The following KRIT1 variants were observed in gnomAD, a reference collection of about 807,000 sequenced individuals.
KRIT1 encodes KRIT1 ankyrin repeat containing.
In KRIT1, 45 loss-of-function variants were observed where a neutral mutation model predicts 95.8. The observed-to-expected ratio is 0.47, with a 90% CI of 0.37 to 0.60. KRIT1 has a LOEUF of 0.60. Among genes scored for constraint, KRIT1 ranks in the 20% least tolerant of loss-of-function variants. The pLI is 0.00. For missense variants in KRIT1, 788 were observed against 877.5 expected (o/e 0.90, Z 1.29); for synonymous variants, 282 against 278.8 (o/e 1.01, Z -0.11).
At position 92,222,991 on chromosome 7, in the gene KRIT1, A is replaced by G. The variant is rs2131456253; in HGVS notation, c.1255-13T>C. 2 of 1,584,118 alleles carry G rather than the reference A, an allele frequency of 1.3e-6. No homozygotes were observed. The highest frequency in any genetic ancestry group is 1.7e-6 in the Non-Finnish European group (2 of 1,154,390). On this transcript the variant is annotated splice_polypyrimidine_tract_variant and intron_variant, in intron 12 of 18. Transcript: ENST00000394505. Reference sequence around the variant, plus strand: ...GAACTTTTTCATACTACAAGAAACGATAACTTACGTAACGAACTTAAAAAA... The same window carrying G: ...GAACTTTTTCATACTACAAGAAACGGTAACTTACGTAACGAACTTAAAAAA...
Position 92,235,124 on chromosome 7 carries a change from G to A in KRIT1, c.730-201C>T, listed in dbSNP as rs377656880. Among the ~76,000 whole-genome samples the A allele has an allele frequency of 3.3e-5, 5 of 151,910 alleles. No individual in the cohort carries two copies. In the East Asian group the frequency reaches 7.7e-4, roughly 23 times the overall value. ...AAGCGATTCTCCTGCCTCAGTCTCC[G>A]GGGTAGCTAAGACTACAGGGGTACG... On this transcript the variant is annotated intron_variant, in intron 8 of 18. Coordinates refer to ENST00000394505, the MANE Select transcript of KRIT1 (RefSeq NM_194454.3).
chr7:92,241,142 T>C lies in KRIT1; in HGVS notation c.113A>G (p.His38Arg), dbSNP rs1265322620. ...TTTCTGTCCTTCAATGGGAACTTCA[T>C]GCAACAAAATCTTAGATGAGAAAAA... ...YRAKSYEILL[H>R]EVPIEGQKKK... Residue 38 changes from histidine (H) to arginine (R), a missense_variant, in exon 5 of 19, where the codon CAT (histidine) becomes CGT (arginine). Transcript: ENST00000394505. 1.9e-6 allele frequency: 3 copies of C among 1,607,850 alleles called. No individual in the cohort carries two copies. Among genetic ancestry groups the C allele is most frequent in the South Asian group, 1.1e-5 (1 of 90,842 alleles).
At chr7:92,208,680 A>G (rs979580003) in intron 17 of KRIT1, among the ~76,000 whole-genome samples, 1 of 152,206 alleles carries the variant, frequency 6.6e-6, no homozygotes. Flanking sequence ...GAAAACCTCA[A>G]CAGATAAATT....
At chr7:92,243,543 G>A (rs913261820) in intron 3 of KRIT1, among the ~76,000 whole-genome samples, 1 of 133,876 alleles carries the variant, frequency 7.5e-6, no homozygotes, top group Non-Finnish European at 1.6e-5. Flanking sequence ...GGTTTTGAAT[G>A]TTATTTGAGA....
intron 18 of KRIT1, 89 bp from the exon 19 acceptor site, chr7:92,200,893 T>A: frequency 1.1e-5 from 10 of 885,380 alleles, no homozygotes; most frequent in Non-Finnish European, 1.5e-5. Flanking sequence ...CCTATCTATT[T>A]GAAAGGGAAC....
intron 4 of KRIT1, among the ~76,000 whole-genome samples, chr7:92,241,423 C>T (rs182765674): frequency 5.6e-4 from 85 of 152,280 alleles, no homozygotes; most frequent in Middle Eastern, 3.4e-3. Flanking sequence ...AGAAACCCTA[C>T]AGTACCCTTT....
intron 14 of KRIT1, among the ~76,000 whole-genome samples, chr7:92,219,135 G>A (rs997664539): frequency 2.0e-5 from 3 of 152,098 alleles, no homozygotes; most frequent in Non-Finnish European, 4.4e-5. Context: ...TAAGTAGCTG[G>A]GACTACAGAG....
At chr7:92,244,590 G>C (rs1215080049) in intron 2 of KRIT1, among the ~76,000 whole-genome samples, 1 of 151,924 alleles carries the variant, frequency 6.6e-6, no homozygotes, top group East Asian at 1.9e-4. Context: ...AGGAAACAAA[G>C]GCTTAACAGG....
chr7:92,199,796 A>AT lies in KRIT1; in HGVS notation c.*939dup, dbSNP rs891838942. On this transcript the variant is annotated 3_prime_UTR_variant, in exon 19 of 19. Coordinates refer to ENST00000394505, the MANE Select transcript of KRIT1 (RefSeq NM_194454.3). The stretch of plus-strand genomic sequence containing the variant: ...AAACCAAATTTAAGTTCACAAGGCC[A>AT]TGCTACTTCCAGAGAGTGAATGCCC... The AT allele has an allele frequency of 4.6e-5, 7 of 152,228 alleles. No homozygotes were observed. Among genetic ancestry groups the AT allele is most frequent in the Admixed American group, 3.3e-4 (5 of 15,286 alleles). The allele number at this position is 152,228 out of a possible 1,614,324, so 9.4% of individuals were successfully genotyped here. A position where few individuals can be genotyped will look rare whatever the true frequency, so the allele number is the denominator to read the frequency against.
At chr7:92,240,545 G>T (rs556814302) in intron 5 of KRIT1, among the ~76,000 whole-genome samples, 17 of 152,036 alleles carry the variant, frequency 1.1e-4, no homozygotes, top group Admixed American at 9.8e-4. Context: ...AATCTTTCAG[G>T]GTTAATACTT....
chr7:92,225,575 G>A (rs1485893403), intron 12 of KRIT1, 145 bp downstream of exon 12: 3 of 647,900 alleles, frequency 4.6e-6, no homozygotes, highest in Non-Finnish European at 5.6e-6. Context: ...TTACAGGTGT[G>A]AGCCACCATA....
At chr7:92,203,806 G>A (rs956699157) in intron 17 of KRIT1, among the ~76,000 whole-genome samples, 4 of 152,158 alleles carry the variant, frequency 2.6e-5, no homozygotes, top group African/African-American at 9.7e-5. Context: ...CTCTGAAACA[G>A]CAGAGGAAAA....
At chr7:92,217,569 T>A (rs2131369079) in intron 14 of KRIT1, among the ~76,000 whole-genome samples, 1 of 152,350 alleles carries the variant, frequency 6.6e-6, no homozygotes, top group South Asian at 2.1e-4. Context: ...TTTTCAAGGT[T>A]CACTCATGTT....
At chr7:92,241,557 T>C (rs1799648125) in intron 4 of KRIT1, among the ~76,000 whole-genome samples, 1 of 152,246 alleles carries the variant, frequency 6.6e-6, no homozygotes, top group Admixed American at 6.5e-5. Context: ...TATATATATG[T>C]ATATGTATGT....
At chr7:92,239,578 C>T (rs1269637040) in intron 5 of KRIT1, among the ~76,000 whole-genome samples, 1 of 152,134 alleles carries the variant, frequency 6.6e-6, no homozygotes, top group African/African-American at 2.4e-5. Context: ...AAAAGGATAG[C>T]TCCCTCCACC....
chr7:92,226,709 A>C (rs1274084482), intron 10 of KRIT1, 27 bp from the exon 11 acceptor site: 1 of 1,607,182 alleles, frequency 6.2e-7, no homozygotes, highest in East Asian at 2.2e-5. Flanking sequence ...ACAAACAAAA[A>C]ACAACAACAA....
At chr7:92,216,160 C>T (rs1243156251) in intron 14 of KRIT1, among the ~76,000 whole-genome samples, 10 of 147,482 alleles carry the variant, frequency 6.8e-5, no homozygotes, top group African/African-American at 1.5e-4. Context: ...ACCCGGGAGG[C>T]GGAGCTTGCA....
At position 92,234,862 on chromosome 7, in the gene KRIT1, T is replaced by G; in HGVS notation, c.791A>C (p.Gln264Pro). Residue 264 changes from glutamine to proline, a missense_variant, in exon 9 of 19, where the codon CAA (glutamine) becomes CCA (proline). Physicochemically the swap from Gln to Pro is moderately conservative, Grantham distance 76. Coordinates refer to ENST00000394505, the MANE Select transcript of KRIT1 (RefSeq NM_194454.3). ...GLGAPDYSKIQIPKQEKWQRS... is the reference protein window; with the variant it reads ...GLGAPDYSKIPIPKQEKWQRS... Reference sequence around the variant, plus strand: ...CTGCCATTTTTCCTGTTTAGGTATTTGGATTTTTGAGTAGTCTGGAGCTCC... The same window carrying G: ...CTGCCATTTTTCCTGTTTAGGTATTGGGATTTTTGAGTAGTCTGGAGCTCC... 6.2e-7 allele frequency: 1 copy of G among 1,610,938 alleles called. No homozygotes were observed. Among genetic ancestry groups the G allele is most frequent in the Non-Finnish European group, 8.5e-7 (1 of 1,177,154 alleles).
chr7:92,234,666 T>C, intron 9 of KRIT1, 74 bp from the exon 10 acceptor site: 3 of 1,344,722 alleles, frequency 2.2e-6, no homozygotes, highest in Non-Finnish European at 3.2e-6. Context: ...GTGACACATC[T>C]ATGAAAGCTC....
Sources: gnomAD v4.1 joint callset for allele counts (sites outside exome capture counted in the v4.1 genomes callset) on GRCh38, gnomAD v4.1.1 for gene constraint, MANE v1.5 for transcripts, NCBI Gene and HGNC (gene_info 2026-07-23, HGNC 2026-07-21) for gene names.